Variants in MTRR observed in about 807,000 individuals in gnomAD.
MTRR encodes 5-methyltetrahydrofolate-homocysteine methyltransferase reductase.
A neutral mutation model predicts 79.2 loss-of-function variants in MTRR; 63 were observed. The ratio of observed to expected loss-of-function variants is 0.80; its 90% CI spans 0.65 to 0.98. The LOEUF (loss-of-function observed/expected upper bound fraction) is 0.98, where lower values mean the gene tolerates loss of function less well. MTRR is among the 50% of genes least tolerant of loss of function. The pLI, the probability that MTRR is intolerant of heterozygous loss-of-function variation, is 0.00. For missense variants in MTRR, 895 were observed against 839.6 expected (o/e 1.07, Z -0.82); for synonymous variants, 355 against 313.3 (o/e 1.13, Z -1.41).
chr5:7,866,583 T>G, upstream of MTRR: 2 of 1,278,018 alleles, frequency 1.6e-6, no homozygotes, highest in Non-Finnish European at 1.1e-6. Flanking sequence ...TATATGTGAC[T>G]TGAAACCACT....
chr5:7,892,059 A>G (rs2126789624), intron 10 of MTRR, among the ~76,000 whole-genome samples: 1 of 152,144 alleles, frequency 6.6e-6, no homozygotes, highest in South Asian at 2.1e-4. Context: ...AAAAAAAAGA[A>G]TATTTGATGA....
chr5:7,889,158 C>G lies in MTRR; in HGVS notation c.1210C>G (p.Leu404Val). The change falls in exon 9 of 15, where the codon CTG becomes GTG. Residue 404 changes from leucine to valine, a missense_variant. Coordinates refer to ENST00000440940, the MANE Select transcript of MTRR (RefSeq NM_002454.3). Reference sequence around the variant, plus strand: ...TGCTGAAAAGCGCAGGCTACAGGAGCTGTGCAGTAAACAAGGGGCAGCCGA... The same window carrying G: ...TGCTGAAAAGCGCAGGCTACAGGAGGTGTGCAGTAAACAAGGGGCAGCCGA... Reference protein sequence around the residue: ...DSAEKRRLQELCSKQGAADYS... With the variant: ...DSAEKRRLQEVCSKQGAADYS... The G allele has an allele frequency of 6.2e-7, 1 of 1,614,138 alleles. No homozygotes were observed. The highest frequency in any genetic ancestry group is 1.1e-5 in the South Asian group (1 of 91,082).
At chr5:7,860,248 C>T (rs1056216084) in intron 1 of MTRR, among the ~76,000 whole-genome samples, 6 of 152,174 alleles carry the variant, frequency 3.9e-5, no homozygotes, top group African/African-American at 1.4e-4. Context: ...GATATGAAAC[C>T]ACAGTGCTGC....
In MTRR at chr5:7,869,209, G is replaced by T; in HGVS notation, c.-32G>T. ...GTGCAGGTTCGTGCCCGGCTGGCGC[G>T]GCGTGGGTAAGCTGCCTGTCGGCTA... is the stretch of plus-strand genomic sequence containing the variant. On this transcript the variant is annotated 5_prime_UTR_variant, in exon 1 of 15. Transcript: ENST00000440940. The T allele has an allele frequency of 6.2e-7, 1 of 1,607,540 alleles. No homozygotes were observed. Among genetic ancestry groups the T allele is most frequent in the Non-Finnish European group, 8.5e-7 (1 of 1,179,784 alleles).
At chr5:7,892,323 G>C (rs1334946852) in intron 10 of MTRR, among the ~76,000 whole-genome samples, 1 of 152,128 alleles carries the variant, frequency 6.6e-6, no homozygotes, top group Admixed American at 6.5e-5. Context: ...TCCTTTCTGG[G>C]TGTATACTTC....
upstream of MTRR, chr5:7,867,437 C>T (rs150488459): frequency 2.0e-5 from 33 of 1,614,192 alleles, no homozygotes; most frequent in East Asian, 1.8e-4. Context: ...ACAAAGATTG[C>T]GAACTTCCAT....
At chr5:7,865,353 G>A (rs1281200097), upstream of MTRR, among the ~76,000 whole-genome samples, 2 of 152,102 alleles carry the variant, frequency 1.3e-5, no homozygotes, top group South Asian at 2.1e-4. Context: ...GTAGAGAGAA[G>A]CAGAGAGAGA....
intron 4 of MTRR, 34 bp downstream of exon 4, chr5:7,875,409 C>T: frequency 1.4e-6 from 2 of 1,463,990 alleles, no homozygotes; most frequent in Non-Finnish European, 1.9e-6. Context: ...CTCCAATAAG[C>T]CCTCTATACA....
chr5:7,861,604 G>A (rs773495015), intron 1 of MTRR: 3 of 1,602,370 alleles, frequency 1.9e-6, no homozygotes, highest in Non-Finnish European at 2.6e-6. Flanking sequence ...ATCTTCATTA[G>A]CTGTGGATGG....
At chr5:7,873,047 C>G (rs1748257402) in intron 2 of MTRR, among the ~76,000 whole-genome samples, 1 of 152,130 alleles carries the variant, frequency 6.6e-6, no homozygotes, top group Non-Finnish European at 1.5e-5. Context: ...AAATGAAAGA[C>G]TGGGACTAGA....
intron 5 of MTRR, 52 bp from the exon 6 acceptor site, chr5:7,883,103 G>T: frequency 1.2e-6 from 2 of 1,613,386 alleles, no homozygotes; most frequent in Non-Finnish European, 1.7e-6. Context: ...CTAATTGAAA[G>T]AAGGGTATAA....
At chr5:7,892,694 T>A (rs151150201) in intron 10 of MTRR, 33 bp from the exon 11 acceptor site, 1 of 1,609,790 alleles carries the variant, frequency 6.2e-7, no homozygotes, top group East Asian at 2.2e-5. Context: ...AGTACTGATA[T>A]CGAGTTCAAA....
At chr5:7,895,548 G>T (rs1738357898) in intron 11 of MTRR, among the ~76,000 whole-genome samples, 186 bp from the exon 12 acceptor site, 1 of 152,132 alleles carries the variant, frequency 6.6e-6, no homozygotes, top group Admixed American at 6.5e-5. Context: ...AGAAAAATTT[G>T]CAAGACAAAC....
At chr5:7,889,341 G>A in intron 9 of MTRR, 66 bp downstream of exon 9, 2 of 1,582,488 alleles carry the variant, frequency 1.3e-6, no homozygotes, top group Non-Finnish European at 8.7e-7. Flanking sequence ...CCACCTTTCT[G>A]TAGTAAAGAA....
intron 2 of MTRR, chr5:7,872,171 A>AT (rs1311993120): frequency 7.0e-6 from 3 of 427,278 alleles, no homozygotes; most frequent in Non-Finnish European, 1.4e-5. Flanking sequence ...CAACTTACAT[A>AT]GAGTCTTGGA....
At chr5:7,888,826 T>C (rs1737050537) in intron 8 of MTRR, among the ~76,000 whole-genome samples, 1 of 152,236 alleles carries the variant, frequency 6.6e-6, no homozygotes, top group African/African-American at 2.4e-5. Flanking sequence ...ACTAGCAAGT[T>C]TGATGTTTTG....
chr5:7,874,924 G>T (rs1190766663), intron 3 of MTRR, among the ~76,000 whole-genome samples: 1 of 152,142 alleles, frequency 6.6e-6, no homozygotes, highest in Non-Finnish European at 1.5e-5. Flanking sequence ...ATGTACAGAT[G>T]ACAGATATTG....
chr5:7,857,046 C>T (rs1306694590), intron 1 of MTRR, among the ~76,000 whole-genome samples: 1 of 152,096 alleles, frequency 6.6e-6, no homozygotes, highest in Non-Finnish European at 1.5e-5. Context: ...TGCTGCAGCC[C>T]AAAGTCCTGA....
chr5:7,899,951 C>G lies in MTRR; in HGVS notation c.1990C>G (p.Leu664Val). ...TATGGCCAAGGATGTACATGATGCCCTTGTGCAAATAATAAGCAAAGAGGT... is the reference window on the plus strand; with the variant it reads ...TATGGCCAAGGATGTACATGATGCCGTTGTGCAAATAATAAGCAAAGAGGT... The part of the protein sequence containing the change: ...KNMAKDVHDA[L>V]VQIISKEVGV... Residue 664 changes from leucine to valine, a missense_variant, in exon 15 of 15, where the codon CTT becomes GTT. Transcript: ENST00000440940. 2 of 1,614,090 alleles carry G rather than the reference C, an allele frequency of 1.2e-6. No individual in the cohort carries two copies. The highest frequency in any genetic ancestry group is 1.7e-6 in the Non-Finnish European group (2 of 1,180,010).
Sources: gnomAD v4.1 joint callset for allele counts (sites outside exome capture counted in the v4.1 genomes callset) on GRCh38, gnomAD v4.1.1 for gene constraint, MANE v1.5 for transcripts, NCBI Gene and HGNC (gene_info 2026-07-23, HGNC 2026-07-21) for gene names.